The following USH2A variants were observed in gnomAD, a reference collection of about 807,000 sequenced individuals.
USH2A encodes the protein usherin, also known as Usher syndrome 2A (autosomal recessive, mild).
Under a neutral mutation model 538.9 loss-of-function variants are expected in USH2A, and 443 were observed. That is an observed-to-expected ratio of 0.82 (90% confidence interval 0.76 to 0.89). The LOEUF is 0.89. Ranked by LOEUF, USH2A falls within the 40% of genes least tolerant of loss-of-function variation. USH2A has a pLI of 0.00. For synonymous variants in USH2A, 2,413 were observed against 2,273.5 expected (o/e 1.06, Z -1.75); for missense variants, 6,633 against 6,324.8 (o/e 1.05, Z -1.65).
rs774950584 is a variant in USH2A, at chr1:215,647,500, G to A, written c.14791+22C>T. 16 of 1,612,776 alleles carry A rather than the reference G, an allele frequency of 9.9e-6. No homozygotes were observed. The South Asian group carries it at 1.2e-4, about 12-fold the overall frequency. ...CCACATTCCAATCTCTCTGGCTTAT[G>A]GTAGCAGCCACTTATACTCACATTC... On this transcript the variant is annotated intron_variant, in intron 67 of 71. Transcript: ENST00000307340.
Position 215,870,547 on chromosome 1 carries a change from G to A in USH2A, c.8682-3377C>T, listed in dbSNP as rs190191686. On this transcript the variant is annotated intron_variant, in intron 43 of 71. Transcript: ENST00000307340. ...TCTGACCTCATGATCCACCCACCTC[G>A]GCCTCCCACTGCTGGGATTCTGTAC... is the stretch of plus-strand genomic sequence containing the variant. Among the ~76,000 whole-genome samples the A allele has an allele frequency of 2.5e-4, 37 of 150,330 alleles. No homozygotes were observed. In the South Asian group the frequency reaches 2.9e-3, roughly 12 times the overall value.
chr1:215,977,428 G>C (rs7527240), intron 35 of USH2A, among the ~76,000 whole-genome samples: 6 of 151,866 alleles, frequency 4.0e-5, no homozygotes, highest in Non-Finnish European at 8.8e-5. Context: ...TAGCTCTGGG[G>C]AAAGTAAGAT....
chr1:216,310,374 A>T (rs2037397982), intron 9 of USH2A, among the ~76,000 whole-genome samples: 1 of 152,176 alleles, frequency 6.6e-6, no homozygotes, highest in South Asian at 2.1e-4. Context: ...AACTAATCCA[A>T]GTATACTTTT....
At position 216,198,400 on chromosome 1, in the gene USH2A, G is replaced by A; in HGVS notation, c.3996C>T (p.Tyr1332=). 6.2e-7 allele frequency: 1 copy of A among 1,614,022 alleles called. No homozygotes were observed. Among genetic ancestry groups the A allele is most frequent in the Non-Finnish European group, 8.5e-7 (1 of 1,179,968 alleles). ...CTAAGACTCTGAACTCATACTTGGT[G>A]TATGGCTCCAAGCCAGTGATGGTTG... is the stretch of plus-strand genomic sequence containing the variant. ...TMTTITGLEP[Y]TKYEFRVLAV... Residue 1332 remains tyrosine (Y), a synonymous_variant, in exon 18 of 72, where the codon TAC becomes TAT. Coordinates refer to ENST00000307340, the MANE Select transcript of USH2A (RefSeq NM_206933.4).
At chr1:215,626,370 G>T (rs1218517293) in intron 71 of USH2A, among the ~76,000 whole-genome samples, 1 of 150,948 alleles carries the variant, frequency 6.6e-6, no homozygotes, top group Admixed American at 6.6e-5. Flanking sequence ...CACCATGTTG[G>T]CCAGTCTGGT....
chr1:215,793,312 T>A (rs550212738), intron 50 of USH2A, among the ~76,000 whole-genome samples: 1 of 152,268 alleles, frequency 6.6e-6, no homozygotes, highest in East Asian at 1.9e-4. Context: ...CAAATCATTG[T>A]GAAACTCTGA....
chr1:216,159,231 T>G (rs1213232093), intron 21 of USH2A, among the ~76,000 whole-genome samples: 1 of 152,126 alleles, frequency 6.6e-6, no homozygotes, highest in Non-Finnish European at 1.5e-5. Flanking sequence ...AGTACAACAT[T>G]AAATAAAAGT....
chr1:216,211,613 C>T (rs1490802894), intron 15 of USH2A, among the ~76,000 whole-genome samples: 1 of 152,184 alleles, frequency 6.6e-6, no homozygotes, highest in Non-Finnish European at 1.5e-5. Context: ...TAGATACATG[C>T]TCATTGCCCT....
intron 46 of USH2A, among the ~76,000 whole-genome samples, chr1:215,842,908 A>T (rs1329868151): frequency 6.6e-6 from 1 of 152,162 alleles, no homozygotes; most frequent in Non-Finnish European, 1.5e-5. Flanking sequence ...GCAAACCACC[A>T]TGGCATACGT....
At chr1:216,125,239 C>CAA (rs5780870) in intron 21 of USH2A, among the ~76,000 whole-genome samples, 7,688 of 145,304 alleles carry the variant, frequency 0.053, 330 homozygotes, top group African/African-American at 0.11. Context: ...TTTAAACAAG[C>CAA]AAAAAAAAAA....
chr1:215,811,921 A>G (rs1237224993), intron 49 of USH2A, among the ~76,000 whole-genome samples: 1 of 151,310 alleles, frequency 6.6e-6, no homozygotes, highest in Non-Finnish European at 1.5e-5. Flanking sequence ...ACAAACAAAC[A>G]AATAAAAAAA....
At chr1:216,217,255 C>A in intron 15 of USH2A, 132 bp downstream of exon 15, 1 of 1,108,042 alleles carries the variant, frequency 9.0e-7, no homozygotes, top group Admixed American at 2.3e-5. Context: ...TATTTTTTTC[C>A]ATCTCTTACC....
chr1:216,209,785 G>A (rs1295488133), intron 15 of USH2A, among the ~76,000 whole-genome samples: 2 of 152,160 alleles, frequency 1.3e-5, no homozygotes, highest in Non-Finnish European at 2.9e-5. Context: ...AGCAGCTTCA[G>A]AACAATTTAA....
chr1:216,137,249 T>C (rs1233498301), intron 21 of USH2A, among the ~76,000 whole-genome samples: 3 of 152,124 alleles, frequency 2.0e-5, no homozygotes, highest in East Asian at 1.9e-4. Context: ...CCTGTATTAG[T>C]TTGTTTTCAC....
intron 9 of USH2A, among the ~76,000 whole-genome samples, 177 bp from the exon 10 acceptor site, chr1:216,292,547 G>A (rs987062897): frequency 1.3e-4 from 20 of 152,154 alleles, no homozygotes; most frequent in Admixed American, 1.3e-3. Context: ...GGGCATGGTA[G>A]GGTGGAATTG....
At chr1:215,923,175 CTT>C (rs2102490012) in intron 38 of USH2A, among the ~76,000 whole-genome samples, 1 of 152,116 alleles carries the variant, frequency 6.6e-6, no homozygotes, top group African/African-American at 2.4e-5. Flanking sequence ...GTGGCAAATG[CTT>C]TTGTTTTCAA....
intron 47 of USH2A, among the ~76,000 whole-genome samples, chr1:215,818,015 A>G (rs757280204): frequency 1.3e-5 from 2 of 151,936 alleles, no homozygotes; most frequent in Non-Finnish European, 2.9e-5. Context: ...AATAGTAAAT[A>G]TATTTTCTCT....
At chr1:216,293,992 T>C (rs1255727512) in intron 9 of USH2A, among the ~76,000 whole-genome samples, 1 of 152,234 alleles carries the variant, frequency 6.6e-6, no homozygotes, top group African/African-American at 2.4e-5. Context: ...TGATAACTGA[T>C]ATTCATGCAT....
chr1:215,913,458 C>T (rs569129869), intron 38 of USH2A, among the ~76,000 whole-genome samples: 5 of 152,016 alleles, frequency 3.3e-5, no homozygotes, highest in South Asian at 4.2e-4. Context: ...TGTTATGGGC[C>T]GGAAGCTCTA....
Sources: allele counts gnomAD v4.1 joint callset (sites outside exome capture counted in the v4.1 genomes callset), GRCh38; gene constraint gnomAD v4.1.1; transcripts MANE v1.5; gene names NCBI Gene and HGNC (gene_info 2026-07-23, HGNC 2026-07-21).